LSAMP: variants seen among roughly 807,000 people sequenced by gnomAD.
LSAMP encodes the protein limbic system associated membrane protein, also known as limbic system-associated membrane protein.
Under a neutral mutation model 38.6 loss-of-function variants are expected in LSAMP, and 7 were observed. That is an observed-to-expected ratio of 0.18 (90% CI 0.10 to 0.34). LSAMP has a LOEUF of 0.34. Ranked by LOEUF, LSAMP falls within the 10% of genes least tolerant of loss-of-function variation. LSAMP has a pLI of 1.00. For missense variants in LSAMP, 313 were observed against 420.0 expected, an observed-to-expected ratio of 0.75 and a Z score of 2.23; for synonymous variants, 154 against 166.8, an observed-to-expected ratio of 0.92 and a Z score of 0.59.
At chr3:116,018,556 A>T (rs1055028533) in intron 3 of LSAMP, among the ~76,000 whole-genome samples, 5 of 152,196 alleles carry the variant, frequency 3.3e-5, no homozygotes, top group African/African-American at 1.2e-4. Context: ...CTACAAAATC[A>T]ATAATATTTT....
At chr3:116,293,040 G>A (rs1418637504) in intron 1 of LSAMP, among the ~76,000 whole-genome samples, 1 of 152,110 alleles carries the variant, frequency 6.6e-6, no homozygotes, top group South Asian at 2.1e-4. Flanking sequence ...CCAGCCCAAA[G>A]AGGTTCATTT....
intron 1 of LSAMP, among the ~76,000 whole-genome samples, chr3:116,349,171 C>T (rs2048103939): frequency 6.6e-6 from 1 of 151,958 alleles, no homozygotes; most frequent in South Asian, 2.1e-4. Context: ...CAATCAATAA[C>T]AGCTATTATT....
chr3:116,126,016 A>C (rs1212713365), intron 1 of LSAMP, among the ~76,000 whole-genome samples: 1 of 152,206 alleles, frequency 6.6e-6, no homozygotes, highest in Non-Finnish European at 1.5e-5. Flanking sequence ...ATCCATTTGC[A>C]GACTGGATTC....
intron 1 of LSAMP, among the ~76,000 whole-genome samples, chr3:116,098,533 CAAG>C (rs1184741385): frequency 1.3e-5 from 2 of 152,122 alleles, no homozygotes; most frequent in Non-Finnish European, 1.5e-5. Flanking sequence ...AAATAAATCA[CAAG>C]GACACTTCTC....
intron 2 of LSAMP, among the ~76,000 whole-genome samples, chr3:116,049,243 T>C (rs1271483610): frequency 1.3e-5 from 2 of 152,110 alleles, no homozygotes; most frequent in African/African-American, 4.8e-5. Flanking sequence ...TTAGGAGCAG[T>C]TTTTGGCCAC....
chr3:116,215,859 A>G (rs1472701804), intron 1 of LSAMP, among the ~76,000 whole-genome samples: 1 of 152,214 alleles, frequency 6.6e-6, no homozygotes, highest in African/African-American at 2.4e-5. Flanking sequence ...TAACATGCTT[A>G]GATGATTGTA....
intron 3 of LSAMP, among the ~76,000 whole-genome samples, chr3:115,959,608 G>C (rs1473540860): frequency 1.3e-5 from 2 of 152,108 alleles, no homozygotes; most frequent in Non-Finnish European, 2.9e-5. Flanking sequence ...AACTAGCCTT[G>C]TGACCTCAGA....
chr3:115,942,001 A>G (rs1937937865), intron 3 of LSAMP, among the ~76,000 whole-genome samples: 1 of 146,164 alleles, frequency 6.8e-6, no homozygotes, highest in Non-Finnish European at 1.5e-5. Flanking sequence ...ATATTTTAAA[A>G]TAAGAATTAT....
chr3:116,267,623 A>AC (rs1485792207), intron 1 of LSAMP, among the ~76,000 whole-genome samples: 1 of 151,458 alleles, frequency 6.6e-6, no homozygotes, highest in Non-Finnish European at 1.5e-5. Flanking sequence ...AAAAAAAAAA[A>AC]AAAACTGTCA....
intron 1 of LSAMP, among the ~76,000 whole-genome samples, chr3:116,372,480 C>T (rs1397366090): frequency 6.6e-6 from 1 of 151,634 alleles, no homozygotes; most frequent in East Asian, 1.9e-4. Flanking sequence ...AAAGACAGGG[C>T]AAATCACAAC....
chr3:116,044,621 C>T (rs1941249344), intron 2 of LSAMP, among the ~76,000 whole-genome samples: 1 of 134,708 alleles, frequency 7.4e-6, no homozygotes, highest in Admixed American at 7.2e-5. Context: ...ATAATTGTAT[C>T]TAAAAAAAAA....
intron 6 of LSAMP, among the ~76,000 whole-genome samples, chr3:115,840,617 G>A (rs9877587): frequency 0.012 from 1,828 of 152,314 alleles, 38 homozygotes; most frequent in African/African-American, 0.042. Context: ...ACTAAAGGCC[G>A]AAGTTAGAGT....
chr3:116,324,218 T>C (rs2047741023), intron 1 of LSAMP, among the ~76,000 whole-genome samples: 1 of 152,206 alleles, frequency 6.6e-6, no homozygotes, highest in Non-Finnish European at 1.5e-5. Context: ...AGTTTCTTTA[T>C]AGGGACAATG....
intron 1 of LSAMP, among the ~76,000 whole-genome samples, chr3:116,146,920 A>G (rs1323909876): frequency 6.6e-6 from 1 of 151,936 alleles, no homozygotes; most frequent in Non-Finnish European, 1.5e-5. Flanking sequence ...ACTACTTATC[A>G]GAAATATAGT....
chr3:115,844,787 G>A (rs1935103424), intron 4 of LSAMP, among the ~76,000 whole-genome samples: 1 of 152,106 alleles, frequency 6.6e-6, no homozygotes, highest in South Asian at 2.1e-4. Context: ...GACCAGCCTG[G>A]CCAACACAGC....
intron 1 of LSAMP, among the ~76,000 whole-genome samples, chr3:116,317,704 G>C (rs1159755608): frequency 1.3e-5 from 2 of 152,078 alleles, no homozygotes; most frequent in Admixed American, 6.5e-5. Flanking sequence ...GAAACTGGGG[G>C]CAGTAGTTAT....
intron 1 of LSAMP, among the ~76,000 whole-genome samples, chr3:116,138,096 G>A (rs1709290130): frequency 1.3e-5 from 2 of 152,098 alleles, no homozygotes; most frequent in Non-Finnish European, 2.9e-5. Flanking sequence ...GGTAGGTCTT[G>A]AGATTCCATA....
intron 1 of LSAMP, among the ~76,000 whole-genome samples, chr3:116,162,939 G>C (rs1351874915): frequency 1.3e-5 from 2 of 151,944 alleles, no homozygotes; most frequent in Non-Finnish European, 2.9e-5. Context: ...GCCATGGCTT[G>C]ACCTCCAGCC....
chr3:116,373,356 T>C (rs2048456017), intron 1 of LSAMP, among the ~76,000 whole-genome samples: 1 of 151,688 alleles, frequency 6.6e-6, no homozygotes, highest in South Asian at 2.1e-4. Flanking sequence ...ATTCCACTTA[T>C]ATGAGGTATA....
Sources: allele counts gnomAD v4.1 joint callset (sites outside exome capture counted in the v4.1 genomes callset), GRCh38; gene constraint gnomAD v4.1.1; transcripts MANE v1.5; gene names NCBI Gene and HGNC (gene_info 2026-07-23, HGNC 2026-07-21).